TRIM62: variants seen among roughly 807,000 people sequenced by gnomAD.
TRIM62 encodes the protein E3 ubiquitin-protein ligase TRIM62.
A neutral mutation model predicts 44.2 loss-of-function variants in TRIM62; 39 were observed. The observed-to-expected ratio is 0.88, with a 90% CI of 0.68 to 1.15. TRIM62 has a LOEUF of 1.15. Ranked by LOEUF, TRIM62 falls within the 50% of genes most tolerant of loss-of-function variation. TRIM62 has a pLI of 0.00. For missense variants in TRIM62, 544 were observed against 665.5 expected (o/e 0.82, Z 2.01); for synonymous variants, 278 against 292.3 (o/e 0.95, Z 0.50).
chr1:33,155,756 C>T lies in TRIM62; in HGVS notation c.877+2497G>A, dbSNP rs77618700. On this transcript the variant is annotated intron_variant, in intron 4 of 4. Coordinates refer to ENST00000291416, the MANE Select transcript of TRIM62 (RefSeq NM_018207.3). Reference sequence around the variant, plus strand: ...TCCAGGTCTCTCCTCTAAAGGACATCGTGCCTGACTCAGGAACACACAGGG... The same window carrying T: ...TCCAGGTCTCTCCTCTAAAGGACATTGTGCCTGACTCAGGAACACACAGGG... Among the ~76,000 whole-genome samples the T allele has an allele frequency of 6.5e-3, 994 of 152,318 alleles. 7 individuals are homozygous for T. Among genetic ancestry groups the T allele is most frequent in the Middle Eastern group, 0.01 (3 of 294 alleles).
At chr1:33,170,799 C>T (rs1158152700) in intron 1 of TRIM62, among the ~76,000 whole-genome samples, 2 of 152,322 alleles carry the variant, frequency 1.3e-5, no homozygotes, top group African/African-American at 4.8e-5. Context: ...AGGATGTCAC[C>T]TAACCTCTCT....
chr1:33,156,266 C>T (rs1015329923), intron 4 of TRIM62, among the ~76,000 whole-genome samples: 2 of 152,242 alleles, frequency 1.3e-5, no homozygotes, highest in Non-Finnish European at 2.9e-5. Flanking sequence ...CACACTCTCT[C>T]TCCTTCGCTT....
rs1000143709 is a variant in TRIM62, at chr1:33,147,927, A to G, written c.878-200T>C. 6.6e-6 allele frequency among the ~76,000 whole-genome samples: 1 copy of G among 152,170 alleles called. No homozygotes were observed. Among genetic ancestry groups the G allele is most frequent in the Non-Finnish European group, 1.5e-5 (1 of 68,014 alleles). ...GAAGGGTGGTGGTTAAGGTCCTTCC[A>G]GATATTGTCTGCAGGGGAGCAGGGG... On this transcript the variant is annotated intron_variant, in intron 4 of 4. Transcript: ENST00000291416. The surrounding 1 kb of genome is among the most constrained non-coding windows in gnomAD (Gnocchi z 8.1).
chr1:33,159,685 T>G lies in TRIM62; in HGVS notation c.761+3A>C. On this transcript the variant is annotated splice_donor_region_variant and intron_variant, in intron 3 of 4. Coordinates refer to ENST00000291416, the MANE Select transcript of TRIM62 (RefSeq NM_018207.3). This position sits in a 1 kb window ranked among gnomAD's most constrained non-coding sequence, Gnocchi z 4.2. ...GGGGAGGGCCCCGGCGGGTGGCACT[T>G]ACCGCTCGGACAGTGAGGCCACCCC... 1 of 1,603,822 alleles carries G rather than the reference T, an allele frequency of 6.2e-7. No homozygotes were observed. Among genetic ancestry groups the G allele is most frequent in the South Asian group, 1.1e-5 (1 of 90,980 alleles).
At chr1:33,158,164 A>C in intron 4 of TRIM62, 89 bp downstream of exon 4, 1 of 1,218,954 alleles carries the variant, frequency 8.2e-7, no homozygotes, top group Non-Finnish European at 1.2e-6. Context: ...CATTCACCCC[A>C]ACTGCCCCAT....
intron 1 of TRIM62, among the ~76,000 whole-genome samples, chr1:33,169,438 C>T (rs1645355808): frequency 6.6e-6 from 1 of 152,202 alleles, no homozygotes; most frequent in Admixed American, 6.5e-5. Flanking sequence ...TGGCCCCAGG[C>T]TCCTCCCTGC....
intron 1 of TRIM62, among the ~76,000 whole-genome samples, chr1:33,174,169 G>T (rs1158361572): frequency 1.3e-5 from 2 of 149,670 alleles, no homozygotes; most frequent in Non-Finnish European, 3.0e-5. Context: ...CTTAGGCACA[G>T]TTTCTGTTTT....
rs557539512 is a variant in TRIM62, at chr1:33,165,708, C to T, written c.409-142G>A. 11 of 610,662 alleles carry T rather than the reference C, an allele frequency of 1.8e-5. No homozygotes were observed. Among genetic ancestry groups the T allele is most frequent in the Non-Finnish European group, 2.7e-5 (10 of 369,150 alleles). The allele number at this position is 610,662 out of a possible 1,614,324, so 37.8% of individuals were successfully genotyped here. A position where few individuals can be genotyped will look rare whatever the true frequency, so the allele number is the denominator to read the frequency against. On this transcript the variant is annotated intron_variant, in intron 1 of 4. Coordinates refer to ENST00000291416, the MANE Select transcript of TRIM62 (RefSeq NM_018207.3). The surrounding 1 kb of genome is among the most constrained non-coding windows in gnomAD (Gnocchi z 4.0). ...TTGCCTCCCGTCACAGTTCAACCAC[C>T]AGCAAGTCCTGTAGAGTCTGTCTCC...
rs1017430660 is a variant in TRIM62, at chr1:33,161,027, C to G, written c.505-1083G>C. ...GCGTAAGGACTCTAGCTCTGGGTCTCTAGCTATGGCAACGTCAGTTGCCTA... is the reference window on the plus strand; with the variant it reads ...GCGTAAGGACTCTAGCTCTGGGTCTGTAGCTATGGCAACGTCAGTTGCCTA... On this transcript the variant is annotated intron_variant, in intron 2 of 4. Transcript: ENST00000291416. This position sits in a 1 kb window ranked among gnomAD's most constrained non-coding sequence, Gnocchi z 4.3. Among the ~76,000 whole-genome samples the G allele has an allele frequency of 6.6e-5, 10 of 152,236 alleles. No individual in the cohort carries two copies. The highest frequency in any genetic ancestry group is 2.4e-4 in the African/African-American group (10 of 41,454).
chr1:33,180,145 A>T (rs1645449627), intron 1 of TRIM62, among the ~76,000 whole-genome samples: 1 of 152,182 alleles, frequency 6.6e-6, no homozygotes, highest in Non-Finnish European at 1.5e-5. Context: ...AACTATGCTC[A>T]GGTCACTCTG....
At position 33,161,897 on chromosome 1, in the gene TRIM62, C is replaced by T. The variant is rs1041250076; in HGVS notation, c.505-1953G>A. Among the ~76,000 whole-genome samples, 1 of 152,158 alleles carries T rather than the reference C, an allele frequency of 6.6e-6. No homozygotes were observed. The highest frequency in any genetic ancestry group is 2.4e-5 in the African/African-American group (1 of 41,422). On this transcript the variant is annotated intron_variant, in intron 2 of 4. Transcript: ENST00000291416. This position sits in a 1 kb window ranked among gnomAD's most constrained non-coding sequence, Gnocchi z 4.3. ...GCCTCCCATGTTCCTCGGGGCTCAT[C>T]CAGGTCAGCGCCTTCCATCCTCACC...
At chr1:33,163,839 T>G (rs1645301093) in intron 2 of TRIM62, 1 of 152,256 alleles carries the variant, frequency 6.6e-6, no homozygotes, top group Non-Finnish European at 1.5e-5. Flanking sequence ...ATTTCTTGTA[T>G]AAACACCCCA....
Position 33,181,451 on chromosome 1 carries a change from G to T in TRIM62, c.-19C>A. The T allele has an allele frequency of 6.3e-7, 1 of 1,577,212 alleles. No individual in the cohort carries two copies. ...ACGCCATGGCGCCAGGGGCAGCAGA[G>T]AGGGGGGCCCGAGGGGCAGGGGGGC... On this transcript the variant is annotated 5_prime_UTR_variant, in exon 1 of 5. Transcript: ENST00000291416. This position sits in a 1 kb window ranked among gnomAD's most constrained non-coding sequence, Gnocchi z 6.5.
At chr1:33,162,812 C>T (rs1645287239) in intron 2 of TRIM62, 1 of 152,310 alleles carries the variant, frequency 6.6e-6, no homozygotes, top group African/African-American at 2.4e-5. Context: ...GACTACAAAG[C>T]CATAGCTCTT....
intron 2 of TRIM62, chr1:33,164,931 T>C (rs1176304318): frequency 6.6e-6 from 1 of 151,188 alleles, no homozygotes; most frequent in Non-Finnish European, 1.5e-5. Flanking sequence ...TACAGGCATG[T>C]GCCACTACGC....
rs1645316320 is a variant in TRIM62 at position 33,165,257 on chromosome 1, C to T, written c.504+214G>A. On this transcript the variant is annotated intron_variant, in intron 2 of 4. Transcript: ENST00000291416. The surrounding 1 kb of genome is among the most constrained non-coding windows in gnomAD (Gnocchi z 4.0). ...ACCGAGGGACCAGCCCACATCCTTG[C>T]CGCCAGTCATGATGGGGTGGGTGCC... 3 of 483,734 alleles carry T rather than the reference C, an allele frequency of 6.2e-6. No individual in the cohort carries two copies. The East Asian group carries it at 1.1e-4, about 17-fold the overall frequency. 30.0% of individuals were successfully genotyped at this position (483,734 alleles called of 1,614,324 possible). A position where few individuals can be genotyped will look rare whatever the true frequency, so the allele number is the denominator to read the frequency against.
At chr1:33,156,681 T>C (rs35164421) in intron 4 of TRIM62, among the ~76,000 whole-genome samples, 28,379 of 152,152 alleles carry the variant, frequency 0.19, 3,141 homozygotes, top group South Asian at 0.3. Flanking sequence ...GCTGTCCATA[T>C]GCTAATGATG....
intron 1 of TRIM62, among the ~76,000 whole-genome samples, chr1:33,180,713 T>G (rs1456700324): frequency 1.3e-5 from 2 of 152,140 alleles, no homozygotes; most frequent in Non-Finnish European, 2.9e-5. Context: ...CCAGTTCTGA[T>G]CTCACTTGTT....
Position 33,174,945 on chromosome 1 carries a change from G to GTATATATATA in TRIM62, c.408+6070_408+6079dup, listed in dbSNP as rs72310095. On this transcript the variant is annotated intron_variant, in intron 1 of 4. Coordinates refer to ENST00000291416, the MANE Select transcript of TRIM62 (RefSeq NM_018207.3). The stretch of plus-strand genomic sequence containing the variant: ...CACACACACACATACATATATGTGT[G>GTATATATATA]TATATATATATATATATATATATAC... Among the ~76,000 whole-genome samples, 167 of 141,730 alleles carry GTATATATATA rather than the reference G, an allele frequency of 1.2e-3. 1 individual carries two copies. In the East Asian group the frequency reaches 0.032, roughly 27 times the overall value. 93.0% of individuals were successfully genotyped at this position (141,730 alleles called of 152,430 possible). A position where few individuals can be genotyped will look rare whatever the true frequency, so the allele number is the denominator to read the frequency against.
Sources: allele counts gnomAD v4.1 joint callset (sites outside exome capture counted in the v4.1 genomes callset), GRCh38; gene constraint gnomAD v4.1.1; non-coding constraint Gnocchi (gnomAD v3.1); transcripts MANE v1.5; gene names NCBI Gene and HGNC (gene_info 2026-07-23, HGNC 2026-07-21).